KRTAP10-3: variants seen among roughly 807,000 people sequenced by gnomAD.
The protein encoded by KRTAP10-3 is keratin associated protein 10-3.
For synonymous variants in KRTAP10-3, 151 were observed against 126.2 expected (o/e 1.20, Z -1.32); for missense variants, 341 against 293.4 (o/e 1.16, Z -1.19).
In KRTAP10-3 at chr21:44,558,334, C is replaced by T. The variant is rs782248510; in HGVS notation, c.382G>A (p.Val128Ile). ...CATGAAGAGGAAGCCCCAGAGCAGA[C>T]GGGCACACAGCAGATGGGCTTGCAG... is the stretch of plus-strand genomic sequence containing the variant. ...VCCKPICCVP[V>I]CSGASSSCCQ... The change falls in exon 1 of 1, where the codon GTC (valine) becomes ATC (isoleucine). Residue 128 changes from valine to isoleucine, a missense_variant. Val to Ile is a conservative substitution (Grantham distance 29). Coordinates refer to ENST00000391620, the MANE Select transcript of KRTAP10-3 (RefSeq NM_198696.3). The T allele has an allele frequency of 3.3e-5, 53 of 1,613,292 alleles. No homozygotes were observed. The highest frequency in any genetic ancestry group is 1.5e-4 in the African/African-American group (11 of 74,774).
In KRTAP10-3 at chr21:44,558,008, G is replaced by A; in HGVS notation, c.*42C>T. ...GGGCTGCAAGGATTTTCGGAAGTCA[G>A]AGATGGCCCTGGAACAACTCTGGAG... On this transcript the variant is annotated 3_prime_UTR_variant, in exon 1 of 1. Coordinates refer to ENST00000391620, the MANE Select transcript of KRTAP10-3 (RefSeq NM_198696.3). The A allele has an allele frequency of 6.4e-7, 1 of 1,570,282 alleles. No homozygotes were observed. Among genetic ancestry groups the A allele is most frequent in the Non-Finnish European group, 8.6e-7 (1 of 1,157,128 alleles).
rs782400615 is a variant in KRTAP10-3 at position 44,558,386 on chromosome 21, ACAGCAGACTGGCTTG to A, written c.315_329del (p.Lys106_Cys110del). The A allele has an allele frequency of 1.1e-5, 17 of 1,612,534 alleles. No homozygotes were observed. In the East Asian group the frequency reaches 2.2e-4, roughly 21 times the overall value. On this transcript the variant is annotated inframe_deletion, in exon 1 of 1. Transcript: ENST00000391620. ...AGACAGGCTTGCAGCAGACGGGCAC[ACAGCAGACTGGCTTG>A]CAGCAGACAGGCACGCAGCAGGCCT...
rs782070531 is a variant in KRTAP10-3, at chr21:44,558,342, C to T, written c.374G>A (p.Cys125Tyr). 4 of 1,613,342 alleles carry T rather than the reference C, an allele frequency of 2.5e-6. No homozygotes were observed. The highest frequency in any genetic ancestry group is 3.3e-5 in the Admixed American group (2 of 59,952). ...CKPVCCKPIC[C>Y]VPVCSGASSS... ...GGAAGCCCCAGAGCAGACGGGCACA[C>T]AGCAGATGGGCTTGCAGCAGACAGG... Residue 125 changes from cysteine to tyrosine, a missense_variant, in exon 1 of 1, where the codon TGT becomes TAT. Coordinates refer to ENST00000391620, the MANE Select transcript of KRTAP10-3 (RefSeq NM_198696.3).
Position 44,558,195 on chromosome 21 carries a change from A to T in KRTAP10-3, c.521T>A (p.Ile174Asn), listed in dbSNP as rs369155919. The change falls in exon 1 of 1, where the codon ATC (isoleucine) becomes AAC (asparagine). Residue 174 changes from isoleucine to asparagine, a missense_variant. Transcript: ENST00000391620. Reference protein sequence around the residue: ...PVCRSTCCVPIPSCCAPASTC... With the variant: ...PVCRSTCCVPNPSCCAPASTC... ...GGAGGCAGGGGCACAGCAGGAGGGGATGGGCACACAGCAGGTGGACCTGCA... is the reference window on the plus strand; with the variant it reads ...GGAGGCAGGGGCACAGCAGGAGGGGTTGGGCACACAGCAGGTGGACCTGCA... 47 of 1,549,096 alleles carry T rather than the reference A, an allele frequency of 3.0e-5. No homozygotes were observed. The highest frequency in any genetic ancestry group is 1.7e-4 in the Middle Eastern group (1 of 5,838).
At position 44,558,469 on chromosome 21, in the gene KRTAP10-3, A is replaced by C; in HGVS notation, c.247T>G (p.Ser83Ala). 3.1e-6 allele frequency: 5 copies of C among 1,614,000 alleles called. No homozygotes were observed. The highest frequency in any genetic ancestry group is 4.2e-6 in the Non-Finnish European group (5 of 1,179,940). The change falls in exon 1 of 1, where the codon TCT becomes GCT. Residue 83 changes from serine to alanine, a missense_variant. Transcript: ENST00000391620. Reference protein sequence around the residue: ...SSCTPSCCQQSSCQPACCTSS... With the variant: ...SSCTPSCCQQASCQPACCTSS... ...GTGCAGCAAGCTGGCTGGCAGCTAGACTGCTGGCAGCACGAGGGCGTGCAG... is the reference window on the plus strand; with the variant it reads ...GTGCAGCAAGCTGGCTGGCAGCTAGCCTGCTGGCAGCACGAGGGCGTGCAG...
In KRTAP10-3 at chr21:44,557,962, AG is replaced by A; in HGVS notation, c.*87del. The A allele has an allele frequency of 6.8e-7, 1 of 1,460,356 alleles. No individual in the cohort carries two copies. The highest frequency in any genetic ancestry group is 1.4e-5 in the African/African-American group (1 of 71,026). 90.5% of individuals were successfully genotyped at this position (1,460,356 alleles called of 1,614,324 possible). On this transcript the variant is annotated 3_prime_UTR_variant, in exon 1 of 1. Transcript: ENST00000391620. The stretch of plus-strand genomic sequence containing the variant: ...CTGGAGGTGCAGTGGCTATGGGCAG[AG>A]GAGACTCAGACAGGGCTCAGGGCTG...
chr21:44,558,770 T>TGAGTGAGG lies in KRTAP10-3; in HGVS notation c.-63_-56dup, dbSNP rs1202048617. On this transcript the variant is annotated 5_prime_UTR_variant, in exon 1 of 1. Transcript: ENST00000391620. ...AGACGTGAGTGAGTGAGTGTGGGAG[T>TGAGTGAGG]GAGTGAGGGAGTGAGTGAGTGATCG... is the stretch of plus-strand genomic sequence containing the variant. 127 of 1,552,374 alleles carry TGAGTGAGG rather than the reference T, an allele frequency of 8.2e-5. No individual in the cohort carries two copies. The Admixed American group carries it at 8.2e-4, about 10-fold the overall frequency.
chr21:44,558,009 A>G lies in KRTAP10-3; in HGVS notation c.*41T>C, dbSNP rs1555920106. On this transcript the variant is annotated 3_prime_UTR_variant, in exon 1 of 1. Coordinates refer to ENST00000391620, the MANE Select transcript of KRTAP10-3 (RefSeq NM_198696.3). The stretch of plus-strand genomic sequence containing the variant: ...GGCTGCAAGGATTTTCGGAAGTCAG[A>G]GATGGCCCTGGAACAACTCTGGAGA... The G allele has an allele frequency of 1.3e-6, 2 of 1,570,612 alleles. No homozygotes were observed. The highest frequency in any genetic ancestry group is 8.6e-7 in the Non-Finnish European group (1 of 1,157,332).
At position 44,558,795 on chromosome 21, in the gene KRTAP10-3, G is replaced by A. The variant is rs1555920537; in HGVS notation, c.-80C>T. 20 of 1,518,790 alleles carry A rather than the reference G, an allele frequency of 1.3e-5. No individual in the cohort carries two copies. The Admixed American group carries it at 1.4e-4, about 11-fold the overall frequency. The allele number at this position is 1,518,790 out of a possible 1,614,324, so 94.1% of individuals were successfully genotyped here. A position where few individuals can be genotyped will look rare whatever the true frequency, so the allele number is the denominator to read the frequency against. ...TGAGTGAGGGAGTGAGTGAGTGATC[G>A]TGCCAGGCCTCTGAGTGGTCGGAAC... is the stretch of plus-strand genomic sequence containing the variant. On this transcript the variant is annotated 5_prime_UTR_variant, in exon 1 of 1. Coordinates refer to ENST00000391620, the MANE Select transcript of KRTAP10-3 (RefSeq NM_198696.3).
chr21:44,558,261 C>T lies in KRTAP10-3; in HGVS notation c.455G>A (p.Cys152Tyr), dbSNP rs782376393. Residue 152 changes from cysteine (C) to tyrosine (Y), a missense_variant, in exon 1 of 1, where the codon TGC (cysteine) becomes TAC (tyrosine). Transcript: ENST00000391620. The part of the protein sequence containing the change: ...RQPACCTTSC[C>Y]RPSSSVSLLC... Reference sequence around the variant, plus strand: ...GAGGGACACGGAGGAGGAGGGTCTGCAGCAGGAGGTGGTGCAGCAAGCCGG... The same window carrying T: ...GAGGGACACGGAGGAGGAGGGTCTGTAGCAGGAGGTGGTGCAGCAAGCCGG... The T allele has an allele frequency of 3.1e-6, 5 of 1,613,904 alleles. No individual in the cohort carries two copies. The African/African-American group carries it at 6.7e-5, about 22-fold the overall frequency.
chr21:44,557,895 G>A lies in KRTAP10-3; in HGVS notation c.*155C>T. On this transcript the variant is annotated 3_prime_UTR_variant, in exon 1 of 1. Transcript: ENST00000391620. ...ATGGAGATGAGGGTGTGGGAGAGAT[G>A]CATGCCTGGAGGGAATCGGCATGAA... The A allele has an allele frequency of 1.1e-6, 1 of 875,190 alleles. No individual in the cohort carries two copies. The highest frequency in any genetic ancestry group is 1.7e-6 in the Non-Finnish European group (1 of 574,762). The allele number at this position is 875,190 out of a possible 1,614,324, so 54.2% of individuals were successfully genotyped here.
Position 44,557,860 on chromosome 21 carries a change from G to T in KRTAP10-3, c.*190C>A, listed in dbSNP as rs2053559057. On this transcript the variant is annotated 3_prime_UTR_variant, in exon 1 of 1. Coordinates refer to ENST00000391620, the MANE Select transcript of KRTAP10-3 (RefSeq NM_198696.3). The stretch of plus-strand genomic sequence containing the variant: ...ATGGGGCAGGACACAGTGACCACCG[G>T]CTGGCCAGCATGGAGATGAGGGTGT... 2.9e-6 allele frequency: 2 copies of T among 690,934 alleles called. No homozygotes were observed. Among genetic ancestry groups the T allele is most frequent in the Admixed American group, 2.9e-5 (1 of 34,000 alleles). 42.8% of individuals were successfully genotyped at this position (690,934 alleles called of 1,614,324 possible).
In KRTAP10-3 at chr21:44,558,669, G is replaced by A; in HGVS notation, c.47C>T (p.Ser16Phe). 1 of 1,613,286 alleles carries A rather than the reference G, an allele frequency of 6.2e-7. No homozygotes were observed. Among genetic ancestry groups the A allele is most frequent in the Non-Finnish European group, 8.5e-7 (1 of 1,179,796 alleles). The change falls in exon 1 of 1, where the codon TCC (serine) becomes TTC (phenylalanine). Residue 16 changes from serine (S) to phenylalanine (F), a missense_variant. Physicochemically the swap from Ser to Phe is radical, Grantham distance 155. Transcript: ENST00000391620. ...MSVCSSAYSD[S>F]WQVDACPESC... is the part of the protein sequence containing the mutation. ...CTCTGGGCAGGCGTCCACCTGCCAG[G>A]AGTCAGAGTAAGCGCTGGAGCAGAC...
rs1555920226 is a variant in KRTAP10-3 at position 44,558,189 on chromosome 21, G to A, written c.527C>T (p.Ser176Phe). The change falls in exon 1 of 1, where the codon TCC becomes TTC. Residue 176 changes from serine to phenylalanine, a missense_variant. Transcript: ENST00000391620. ...CRSTCCVPIP[S>F]CCAPASTCQP... ...GCAGGTGGAGGCAGGGGCACAGCAG[G>A]AGGGGATGGGCACACAGCAGGTGGA... 5 of 1,551,292 alleles carry A rather than the reference G, an allele frequency of 3.2e-6. No individual in the cohort carries two copies. Among genetic ancestry groups the A allele is most frequent in the South Asian group, 1.2e-5 (1 of 85,026 alleles).
rs782409045 is a variant in KRTAP10-3, at chr21:44,558,691, A to G, written c.25T>C (p.Cys9Arg). Reference sequence around the variant, plus strand: ...CAGGAGTCAGAGTAAGCGCTGGAGCAGACGGACATGGTAGACGTGGCCATG... The same window carrying G: ...CAGGAGTCAGAGTAAGCGCTGGAGCGGACGGACATGGTAGACGTGGCCATG... MATSTMSVCSSAYSDSWQV... is the reference protein window; with the variant it reads MATSTMSVRSSAYSDSWQV... Residue 9 changes from cysteine to arginine, a missense_variant, in exon 1 of 1, where the codon TGC becomes CGC. Transcript: ENST00000391620. 48 of 1,610,930 alleles carry G rather than the reference A, an allele frequency of 3.0e-5. No individual in the cohort carries two copies. Among genetic ancestry groups the G allele is most frequent in the Admixed American group, 3.3e-5 (2 of 59,882 alleles).
Position 44,557,954 on chromosome 21 carries a change from A to G in KRTAP10-3, c.*96T>C. ...ATTGCTGGCTGGAGGTGCAGTGGCT[A>G]TGGGCAGAGGAGACTCAGACAGGGC... On this transcript the variant is annotated 3_prime_UTR_variant, in exon 1 of 1. Coordinates refer to ENST00000391620, the MANE Select transcript of KRTAP10-3 (RefSeq NM_198696.3). 1.4e-6 allele frequency: 2 copies of G among 1,396,582 alleles called. No homozygotes were observed. The highest frequency in any genetic ancestry group is 9.7e-7 in the Non-Finnish European group (1 of 1,026,492). 86.5% of individuals were successfully genotyped at this position (1,396,582 alleles called of 1,614,324 possible).
At position 44,558,489 on chromosome 21, in the gene KRTAP10-3, G is replaced by T. The variant is rs144695928; in HGVS notation, c.227C>A (p.Thr76Lys). 5 of 1,613,980 alleles carry T rather than the reference G, an allele frequency of 3.1e-6. No homozygotes were observed. The highest frequency in any genetic ancestry group is 3.4e-6 in the Non-Finnish European group (4 of 1,179,936). ...PCQSGCTSSCTPSCCQQSSCQ... is the reference protein window; with the variant it reads ...PCQSGCTSSCKPSCCQQSSCQ... ...GCTAGACTGCTGGCAGCACGAGGGC[G>T]TGCAGGAGCTGGTGCAGCCTGACTG... Residue 76 changes from threonine to lysine, a missense_variant, in exon 1 of 1, where the codon ACG (threonine) becomes AAG (lysine). Transcript: ENST00000391620.
At position 44,558,325 on chromosome 21, in the gene KRTAP10-3, C is replaced by T. The variant is rs370304129; in HGVS notation, c.391G>A (p.Gly131Arg). 1.5e-5 allele frequency: 25 copies of T among 1,613,844 alleles called. No individual in the cohort carries two copies. Among genetic ancestry groups the T allele is most frequent in the African/African-American group, 2.7e-5 (2 of 74,884 alleles). Residue 131 changes from glycine (G) to arginine (R), a missense_variant, in exon 1 of 1, where the codon GGG becomes AGG. Physicochemically the swap from Gly to Arg is moderately radical, Grantham distance 125. Transcript: ENST00000391620. ...KPICCVPVCSGASSSCCQQSS... is the reference protein window; with the variant it reads ...KPICCVPVCSRASSSCCQQSS... ...TGCTGGCAGCATGAAGAGGAAGCCCCAGAGCAGACGGGCACACAGCAGATG... is the reference window on the plus strand; with the variant it reads ...TGCTGGCAGCATGAAGAGGAAGCCCTAGAGCAGACGGGCACACAGCAGATG...
chr21:44,558,384 A>G lies in KRTAP10-3; in HGVS notation c.332T>C (p.Val111Ala). ...VPVCCKPVCC[V>A]PVCCKPVCCK... Reference sequence around the variant, plus strand: ...GCAGACAGGCTTGCAGCAGACGGGCACACAGCAGACTGGCTTGCAGCAGAC... The same window carrying G: ...GCAGACAGGCTTGCAGCAGACGGGCGCACAGCAGACTGGCTTGCAGCAGAC... Residue 111 changes from valine (V) to alanine (A), a missense_variant, in exon 1 of 1, where the codon GTG becomes GCG. Coordinates refer to ENST00000391620, the MANE Select transcript of KRTAP10-3 (RefSeq NM_198696.3). 1 of 1,612,682 alleles carries G rather than the reference A, an allele frequency of 6.2e-7. No individual in the cohort carries two copies. Among genetic ancestry groups the G allele is most frequent in the African/African-American group, 1.3e-5 (1 of 74,670 alleles).
Sources: allele counts gnomAD v4.1 joint callset, GRCh38; gene constraint gnomAD v4.1.1; transcripts MANE v1.5; gene names NCBI Gene and HGNC (gene_info 2026-07-23, HGNC 2026-07-21).